The following SLC19A3 variants were observed in gnomAD, a reference collection of about 807,000 sequenced individuals.
SLC19A3 encodes the protein solute carrier family 19 member 3.
In SLC19A3, 31 loss-of-function variants were observed where a neutral mutation model predicts 40.2. That is an observed-to-expected ratio of 0.77 (90% CI 0.58 to 1.04). SLC19A3 has a LOEUF of 1.04. Ranked by LOEUF, SLC19A3 falls within the 50% of genes least tolerant of loss-of-function variation. SLC19A3 has a pLI of 0.00. For synonymous variants in SLC19A3, 212 were observed against 227.5 expected, an observed-to-expected ratio of 0.93 and a Z score of 0.61; for missense variants, 592 against 596.7, an observed-to-expected ratio of 0.99 and a Z score of 0.08.
In SLC19A3 at chr2:227,687,020, GTCCA is replaced by G. The variant is rs1387328281; in HGVS notation, c.*373_*376del. On this transcript the variant is annotated 3_prime_UTR_variant, in exon 6 of 6. Transcript: ENST00000644224. ...GTATTTAAGCCTAGCAATAGGGTCA[GTCCA>G]GTTAGTATTTCTCCTCACAAATGGT... The G allele has an allele frequency of 1.1e-5, 2 of 183,170 alleles. No homozygotes were observed. The highest frequency in any genetic ancestry group is 4.7e-5 in the African/African-American group (2 of 42,138). 11.3% of individuals were successfully genotyped at this position (183,170 alleles called of 1,614,324 possible). A position where few individuals can be genotyped will look rare whatever the true frequency, so the allele number is the denominator to read the frequency against.
chr2:227,715,951 CAAAAAAAA>C (rs34546970), intron 1 of SLC19A3, among the ~76,000 whole-genome samples: 1 of 87,160 alleles, frequency 1.1e-5, no homozygotes, highest in African/African-American at 4.7e-5. Flanking sequence ...GACTCCGTCT[CAAAAAAAA>C]AAAAAAAAAA....
At chr2:227,699,729 TC>T (rs1695603208) in intron 2 of SLC19A3, among the ~76,000 whole-genome samples, 165 bp from the exon 3 acceptor site, 1 of 152,278 alleles carries the variant, frequency 6.6e-6, no homozygotes, top group African/African-American at 2.4e-5. Context: ...TAGTCTCCTT[TC>T]CCATTGGTAA....
At chr2:227,706,517 T>C (rs1390082594) in intron 1 of SLC19A3, 27 of 1,190,604 alleles carry the variant, frequency 2.3e-5, no homozygotes, top group Non-Finnish European at 2.8e-5. Flanking sequence ...ATGCTTGTAA[T>C]CCCAGCGCTT....
chr2:227,702,438 G>T (rs1266803064), intron 1 of SLC19A3, 118 bp from the exon 2 acceptor site: 3 of 1,022,444 alleles, frequency 2.9e-6, no homozygotes, highest in Non-Finnish European at 4.4e-6. Flanking sequence ...CTGTTGTCCA[G>T]GCTGAAGTGC....
chr2:227,693,430 C>T (rs927762397), intron 4 of SLC19A3, among the ~76,000 whole-genome samples: 4 of 152,110 alleles, frequency 2.6e-5, no homozygotes, highest in Non-Finnish European at 5.9e-5. Flanking sequence ...AATAGTGAAC[C>T]CACACACCTA....
At chr2:227,715,951 CAAAAAA>C (rs34546970) in intron 1 of SLC19A3, among the ~76,000 whole-genome samples, 1 of 87,160 alleles carries the variant, frequency 1.1e-5, no homozygotes, top group Admixed American at 1.4e-4. Context: ...GACTCCGTCT[CAAAAAA>C]AAAAAAAAAA....
chr2:227,689,718 C>G (rs766648467), intron 4 of SLC19A3, among the ~76,000 whole-genome samples: 1 of 152,128 alleles, frequency 6.6e-6, no homozygotes, highest in East Asian at 1.9e-4. Flanking sequence ...AATATTATCA[C>G]ACTGTAACTG....
At chr2:227,714,696 T>G (rs1420092364) in intron 1 of SLC19A3, 2 of 277,582 alleles carry the variant, frequency 7.2e-6, no homozygotes, top group Non-Finnish European at 4.3e-6. Flanking sequence ...ACATTTGAAA[T>G]CCCATCCAAA....
In SLC19A3 at chr2:227,685,380, A is replaced by G. The variant is rs1341582305; in HGVS notation, c.*2017T>C. Reference sequence around the variant, plus strand: ...AAGAGAGAGTGGGGAGGTGCTACACACTTTTAAACTACCAGATCTCACGAT... The same window carrying G: ...AAGAGAGAGTGGGGAGGTGCTACACGCTTTTAAACTACCAGATCTCACGAT... On this transcript the variant is annotated 3_prime_UTR_variant, in exon 6 of 6. Transcript: ENST00000644224. The G allele has an allele frequency of 6.6e-6, 1 of 152,226 alleles. No homozygotes were observed. The highest frequency in any genetic ancestry group is 1.5e-5 in the Non-Finnish European group (1 of 68,130). The allele number at this position is 152,226 out of a possible 1,614,324, so 9.4% of individuals were successfully genotyped here.
intron 4 of SLC19A3, 65 bp from the exon 5 acceptor site, chr2:227,688,372 G>A (rs1170199856): frequency 6.6e-7 from 1 of 1,505,978 alleles, no homozygotes; most frequent in Non-Finnish European, 9.2e-7. Context: ...TAAAAAGATA[G>A]AACATATTGG....
rs536613215 is a variant in SLC19A3, at chr2:227,690,922, C to T, written c.1173-2615G>A. 1.8e-4 allele frequency among the ~76,000 whole-genome samples: 27 copies of T among 151,966 alleles called. No homozygotes were observed. In the South Asian group the frequency reaches 2.1e-3, roughly 12 times the overall value. ...TAATCTGCACTATAGAAAAAATGGA[C>T]CTAATAGATATTTACAGAACTTTTC... On this transcript the variant is annotated intron_variant, in intron 4 of 5. Transcript: ENST00000644224.
rs372357521 is a variant in SLC19A3, at chr2:227,703,754, T to C, written c.-2-1434A>G. Among the ~76,000 whole-genome samples the C allele has an allele frequency of 1.8e-4, 28 of 152,290 alleles. 1 individual carries two copies. Among genetic ancestry groups the C allele is most frequent in the African/African-American group, 6.5e-4 (27 of 41,580 alleles). ...CTTGGTCATCTTCTGAAGAGTGGTC[T>C]TGCTGGGGTAGCATCTGCTGGCTCT... is the stretch of plus-strand genomic sequence containing the variant. On this transcript the variant is annotated intron_variant, in intron 1 of 5. Coordinates refer to ENST00000644224, the MANE Select transcript of SLC19A3 (RefSeq NM_025243.4). This position sits in a 1 kb window ranked among gnomAD's most constrained non-coding sequence, Gnocchi z 4.7.
chr2:227,706,225 T>C, intron 1 of SLC19A3: 1 of 810,066 alleles, frequency 1.2e-6, no homozygotes, highest in Non-Finnish European at 1.7e-6. Context: ...CGTCATATTA[T>C]CCGCCTCTAA....
chr2:227,702,303 T>C lies in SLC19A3; in HGVS notation c.16A>G (p.Thr6Ala), dbSNP rs368949246. The C allele has an allele frequency of 1.2e-6, 2 of 1,613,896 alleles. No individual in the cohort carries two copies. The highest frequency in any genetic ancestry group is 8.5e-7 in the Non-Finnish European group (1 of 1,179,992). The change falls in exon 2 of 6, where the codon ACT becomes GCT. Residue 6 changes from threonine (T) to alanine (A), a missense_variant. By Grantham distance (58) the Thr-to-Ala change is moderately conservative. Coordinates refer to ENST00000644224, the MANE Select transcript of SLC19A3 (RefSeq NM_025243.4). ...TAAATCCAGGAACTGCTTAGTGAAG[T>C]TCTGTAACAATCCATGGCTGATCAA... is the stretch of plus-strand genomic sequence containing the variant. MDCYR[T>A]SLSSSWIYPT...
chr2:227,691,491 C>T (rs1450626576), intron 4 of SLC19A3, among the ~76,000 whole-genome samples: 1 of 152,054 alleles, frequency 6.6e-6, no homozygotes, highest in Non-Finnish European at 1.5e-5. Context: ...TGTTTGTGAT[C>T]CCAGCTTCTC....
intron 3 of SLC19A3, among the ~76,000 whole-genome samples, chr2:227,697,407 C>T (rs1270922944): frequency 6.6e-6 from 1 of 152,142 alleles, no homozygotes; most frequent in Non-Finnish European, 1.5e-5. Flanking sequence ...AGGAAATAAA[C>T]ATTTATTGTA....
chr2:227,717,902 C>T (rs1161392382), intron 1 of SLC19A3, 41 bp downstream of exon 1: 1 of 985,068 alleles, frequency 1.0e-6, no homozygotes, highest in Non-Finnish European at 1.2e-6. Context: ...CGAGGGATGA[C>T]GGTGCTTCTT....
intron 2 of SLC19A3, among the ~76,000 whole-genome samples, chr2:227,699,898 G>A (rs1695611745): frequency 1.3e-5 from 2 of 151,772 alleles, no homozygotes; most frequent in South Asian, 4.2e-4. Context: ...TTTTTTTTGA[G>A]GTGGAGTCTT....
At chr2:227,704,521 AT>A (rs1298719958) in intron 1 of SLC19A3, among the ~76,000 whole-genome samples, 7 of 152,192 alleles carry the variant, frequency 4.6e-5, no homozygotes, top group Non-Finnish European at 8.8e-5. Context: ...AGGTAGTAAG[AT>A]TTGTGCTCAT....
Sources: gnomAD v4.1 joint callset for allele counts (sites outside exome capture counted in the v4.1 genomes callset) on GRCh38, gnomAD v4.1.1 for gene constraint, Gnocchi (gnomAD v3.1) non-coding constraint, MANE v1.5 for transcripts, NCBI Gene and HGNC (gene_info 2026-07-23, HGNC 2026-07-21) for gene names.